The following ANKRD33B variants were observed in gnomAD, a reference collection of about 807,000 sequenced individuals.
ANKRD33B encodes ankyrin repeat domain-containing protein 33B.
Under a neutral mutation model 21.5 loss-of-function variants are expected in ANKRD33B, and 6 were observed. The ratio of observed to expected loss-of-function variants is 0.28; its 90% CI spans 0.15 to 0.55. ANKRD33B has a LOEUF of 0.55. Ranked by LOEUF, ANKRD33B falls within the 20% of genes least tolerant of loss-of-function variation. ANKRD33B has a pLI of 0.94. For missense variants in ANKRD33B, 698 were observed against 747.2 expected, an observed-to-expected ratio of 0.93 and a Z score of 0.77; for synonymous variants, 347 against 342.4, an observed-to-expected ratio of 1.01 and a Z score of -0.15.
chr5:10,580,502 C>T (rs561707429), intron 1 of ANKRD33B, among the ~76,000 whole-genome samples: 52 of 149,266 alleles, frequency 3.5e-4, no homozygotes, highest in African/African-American at 1.2e-3. Context: ...TTGTCCCCCA[C>T]CCCCAGCCCC....
At chr5:10,642,169 T>G (rs377256924) in intron 3 of ANKRD33B, among the ~76,000 whole-genome samples, 2 of 152,224 alleles carry the variant, frequency 1.3e-5, no homozygotes, top group South Asian at 4.1e-4. Context: ...ACTGCCGTGC[T>G]TTCTTCCCTG....
chr5:10,649,831 G>A lies in ANKRD33B; in HGVS notation c.1203G>A (p.Pro401=), dbSNP rs2126611647. 2.2e-6 allele frequency: 3 copies of A among 1,392,146 alleles called. No individual in the cohort carries two copies. The highest frequency in any genetic ancestry group is 2.8e-6 in the Non-Finnish European group (3 of 1,078,414). 86.2% of individuals were successfully genotyped at this position (1,392,146 alleles called of 1,614,324 possible). A position where few individuals can be genotyped will look rare whatever the true frequency, so the allele number is the denominator to read the frequency against. ...LGSRGPAAPA[P]RKASLLPLQR... is the part of the protein sequence containing the mutation. ...CCCGGGGCCCCGCAGCGCCCGCCCC[G>A]CGGAAGGCCAGCCTCCTGCCCCTGC... Residue 401 remains proline (P), a synonymous_variant, in exon 4 of 4, where the codon CCG becomes CCA. Coordinates refer to ENST00000296657, the MANE Select transcript of ANKRD33B (RefSeq NM_001164440.2).
chr5:10,611,532 A>G lies in ANKRD33B; in HGVS notation c.367-6801A>G, dbSNP rs1441585203. On this transcript the variant is annotated intron_variant, in intron 1 of 3. Coordinates refer to ENST00000296657, the MANE Select transcript of ANKRD33B (RefSeq NM_001164440.2). ...CTTTATTATGAGCTGGCTTTGGAGA[A>G]GCAGTGGGCTGAAATGGTGGTGTCT... is the stretch of plus-strand genomic sequence containing the variant. Among the ~76,000 whole-genome samples the G allele has an allele frequency of 2.6e-5, 4 of 152,134 alleles. No individual in the cohort carries two copies. The South Asian group carries it at 6.2e-4, about 24-fold the overall frequency.
chr5:10,657,676 TATG>T lies in ANKRD33B; in HGVS notation c.*7566_*7568del. ...AATCTTTAAGCTAAATATAATGTGA[TATG>T]ATTCAGAAAAAAATGTTTTTCCCTT... On this transcript the variant is annotated 3_prime_UTR_variant, in exon 4 of 4. Coordinates refer to ENST00000296657, the MANE Select transcript of ANKRD33B (RefSeq NM_001164440.2). 1 of 152,368 alleles carries T rather than the reference TATG, an allele frequency of 6.6e-6. No homozygotes were observed. The highest frequency in any genetic ancestry group is 1.5e-5 in the Non-Finnish European group (1 of 68,040). The allele number at this position is 152,368 out of a possible 1,614,324, so 9.4% of individuals were successfully genotyped here.
intron 2 of ANKRD33B, among the ~76,000 whole-genome samples, chr5:10,636,030 C>A (rs1736852981): frequency 6.6e-6 from 1 of 152,196 alleles, no homozygotes. Flanking sequence ...GCCTGCCCGA[C>A]CCCAGAGTGA....
intron 1 of ANKRD33B, among the ~76,000 whole-genome samples, chr5:10,591,209 T>TTTTTTTTG (rs1735680864): frequency 6.7e-6 from 1 of 148,208 alleles, no homozygotes; most frequent in African/African-American, 2.5e-5. Context: ...TTTTTTTTTT[T>TTTTTTTTG]TGAGATGGAG....
chr5:10,606,229 T>C (rs993567658), intron 1 of ANKRD33B, among the ~76,000 whole-genome samples: 6 of 152,218 alleles, frequency 3.9e-5, no homozygotes, highest in African/African-American at 1.4e-4. Context: ...TTACGTTTTA[T>C]GCAAAATTTA....
At chr5:10,631,039 A>G (rs1323301753) in intron 2 of ANKRD33B, among the ~76,000 whole-genome samples, 3 of 152,186 alleles carry the variant, frequency 2.0e-5, no homozygotes, top group Non-Finnish European at 2.9e-5. Context: ...ACAGTCGGAC[A>G]TGGCAAGTCA....
At chr5:10,584,025 C>G (rs1005793939) in intron 1 of ANKRD33B, among the ~76,000 whole-genome samples, 1 of 152,126 alleles carries the variant, frequency 6.6e-6, no homozygotes, top group East Asian at 1.9e-4. Flanking sequence ...ACCCAGTGCC[C>G]GGCGTGAGCA....
intron 1 of ANKRD33B, among the ~76,000 whole-genome samples, chr5:10,615,117 A>G (rs1311597993): frequency 9.9e-5 from 15 of 152,266 alleles, no homozygotes; most frequent in African/African-American, 3.6e-4. Flanking sequence ...CAGGAGCCAG[A>G]TACTTCCGGA....
intron 1 of ANKRD33B, among the ~76,000 whole-genome samples, chr5:10,601,773 G>A (rs946226823): frequency 6.6e-6 from 1 of 152,168 alleles, no homozygotes; most frequent in Non-Finnish European, 1.5e-5. Context: ...TAAGTGTGAC[G>A]ACACCTATAT....
rs532502106 is a variant in ANKRD33B, at chr5:10,599,470, C to T, written c.367-18863C>T. 1.9e-4 allele frequency among the ~76,000 whole-genome samples: 29 copies of T among 152,306 alleles called. 1 individual carries two copies. Among genetic ancestry groups the T allele is most frequent in the Admixed American group, 1.6e-3 (25 of 15,282 alleles). On this transcript the variant is annotated intron_variant, in intron 1 of 3. Transcript: ENST00000296657. ...AAATGTTTTTATCATCCCTCTCCCC[C>T]CAGTCCCTCTTCCTCCTCCTACCCT... is the stretch of plus-strand genomic sequence containing the variant.
At chr5:10,570,846 A>G (rs553833755) in intron 1 of ANKRD33B, among the ~76,000 whole-genome samples, 100 of 150,728 alleles carry the variant, frequency 6.6e-4, no homozygotes, top group African/African-American at 2.1e-3. Context: ...GGCATGAGCT[A>G]CCATGCCTGG....
At position 10,655,282 on chromosome 5, in the gene ANKRD33B, T is replaced by G. The variant is rs1019476067; in HGVS notation, c.*5169T>G. 2.6e-5 allele frequency: 4 copies of G among 152,280 alleles called. No individual in the cohort carries two copies. Among genetic ancestry groups the G allele is most frequent in the African/African-American group, 7.2e-5 (3 of 41,424 alleles). The allele number at this position is 152,280 out of a possible 1,614,324, so 9.4% of individuals were successfully genotyped here. A position where few individuals can be genotyped will look rare whatever the true frequency, so the allele number is the denominator to read the frequency against. On this transcript the variant is annotated 3_prime_UTR_variant, in exon 4 of 4. Transcript: ENST00000296657. ...GGCCAGACCCTAGGCCTGAAAAGGATGCAAAGCCTGCTGTTTTCAGGCTGT... is the reference window on the plus strand; with the variant it reads ...GGCCAGACCCTAGGCCTGAAAAGGAGGCAAAGCCTGCTGTTTTCAGGCTGT...
chr5:10,566,150 T>C (rs1735051870), intron 1 of ANKRD33B, among the ~76,000 whole-genome samples: 1 of 152,114 alleles, frequency 6.6e-6, no homozygotes, highest in East Asian at 1.9e-4. Flanking sequence ...CACACAACAT[T>C]TGAACTTGGA....
intron 2 of ANKRD33B, among the ~76,000 whole-genome samples, chr5:10,624,111 T>G (rs187924983): frequency 1.3e-5 from 2 of 151,932 alleles, no homozygotes; most frequent in East Asian, 3.9e-4. Flanking sequence ...CTTGTTTTCT[T>G]TCGTTCTTTC....
At chr5:10,633,036 C>G (rs1302360033) in intron 2 of ANKRD33B, among the ~76,000 whole-genome samples, 1 of 151,546 alleles carries the variant, frequency 6.6e-6, no homozygotes, top group African/African-American at 2.4e-5. Context: ...GATCCACCCC[C>G]CTCAGCCTCC....
At chr5:10,643,291 T>A (rs1737107442) in intron 3 of ANKRD33B, among the ~76,000 whole-genome samples, 1 of 152,124 alleles carries the variant, frequency 6.6e-6, no homozygotes, top group Non-Finnish European at 1.5e-5. Context: ...GGATTTTTAG[T>A]GGCATCCCTG....
At chr5:10,646,172 G>A (rs781557916) in intron 3 of ANKRD33B, among the ~76,000 whole-genome samples, 52 of 152,142 alleles carry the variant, frequency 3.4e-4, no homozygotes, top group Non-Finnish European at 5.7e-4. Flanking sequence ...ACAAGGCAGC[G>A]AGTGGACCCA....
Sources: gnomAD v4.1 joint callset for allele counts (sites outside exome capture counted in the v4.1 genomes callset) on GRCh38, gnomAD v4.1.1 for gene constraint, MANE v1.5 for transcripts, NCBI Gene and HGNC (gene_info 2026-07-23, HGNC 2026-07-21) for gene names.